RABGAP1L: variants seen among roughly 807,000 people sequenced by gnomAD.
RABGAP1L encodes the protein RAB GTPase activating protein 1 like, also known as rab GTPase-activating protein 1-like.
Under a neutral mutation model 137.7 loss-of-function variants are expected in RABGAP1L, and 63 were observed. The observed-to-expected ratio is 0.46, with a 90% CI of 0.37 to 0.56. The LOEUF (loss-of-function observed/expected upper bound fraction) is 0.56, where lower values mean the gene tolerates loss of function less well. Among genes scored for constraint, RABGAP1L ranks in the 20% least tolerant of loss-of-function variants. The probability of loss-of-function intolerance (pLI) is 0.00; values close to 1 mark genes in which losing one functional copy is unlikely to be tolerated. For synonymous variants in RABGAP1L, 431 were observed against 433.7 expected (o/e 0.99, Z 0.08); for missense variants, 1,095 against 1,244.0 (o/e 0.88, Z 1.80).
chr1:174,310,871 C>A (rs1437568044), intron 11 of RABGAP1L, among the ~76,000 whole-genome samples: 1 of 152,136 alleles, frequency 6.6e-6, no homozygotes, highest in Non-Finnish European at 1.5e-5. Context: ...CTCTCATACT[C>A]ATTCTCTCAT....
intron 13 of RABGAP1L, among the ~76,000 whole-genome samples, chr1:174,493,241 A>C (rs1042822002): frequency 6.7e-6 from 1 of 150,368 alleles, no homozygotes; most frequent in South Asian, 2.1e-4. Flanking sequence ...ACATGCCTGT[A>C]GTCCTAGCTA....
rs181627960 is a variant in RABGAP1L at position 174,435,031 on chromosome 1, A to G, written c.1710+40886A>G. On this transcript the variant is annotated intron_variant, in intron 13 of 25. Coordinates refer to ENST00000681986, the MANE Select transcript of RABGAP1L (RefSeq NM_001366446.1). Reference sequence around the variant, plus strand: ...CCAGTATCCTAATAAGTCTTTGTCTATTTTTTAAGAGACACAGTCTTGCTC... The same window carrying G: ...CCAGTATCCTAATAAGTCTTTGTCTGTTTTTTAAGAGACACAGTCTTGCTC... Among the ~76,000 whole-genome samples the G allele has an allele frequency of 3.3e-5, 5 of 152,094 alleles. No individual in the cohort carries two copies. In the East Asian group the frequency reaches 7.7e-4, roughly 23 times the overall value.
At chr1:174,979,677 G>A (rs945142540) in intron 23 of RABGAP1L, among the ~76,000 whole-genome samples, 2 of 152,220 alleles carry the variant, frequency 1.3e-5, no homozygotes, top group African/African-American at 2.4e-5. Flanking sequence ...CTAGCAGGAA[G>A]CTTTCTATTG....
At chr1:174,302,412 A>G (rs56149646) in intron 10 of RABGAP1L, among the ~76,000 whole-genome samples, 405 of 152,316 alleles carry the variant, frequency 2.7e-3, no homozygotes, top group Non-Finnish European at 4.4e-3. Context: ...GAAAAGAGAG[A>G]GGTCTCAAGA....
At chr1:174,218,345 T>G (rs1424402643) in intron 1 of RABGAP1L, among the ~76,000 whole-genome samples, 1 of 152,182 alleles carries the variant, frequency 6.6e-6, no homozygotes, top group Non-Finnish European at 1.5e-5. Context: ...CCTTATTCAC[T>G]TAGGTAACCT....
At chr1:174,483,901 C>T (rs78332745) in intron 13 of RABGAP1L, among the ~76,000 whole-genome samples, 3,424 of 151,902 alleles carry the variant, frequency 0.023, 67 homozygotes, top group Non-Finnish European at 0.035. Flanking sequence ...ATTCTGATGT[C>T]CTTTCTTTTG....
At chr1:174,256,274 G>A (rs1571803899) in intron 7 of RABGAP1L, among the ~76,000 whole-genome samples, 1 of 151,878 alleles carries the variant, frequency 6.6e-6, no homozygotes, top group Non-Finnish European at 1.5e-5. Flanking sequence ...TAATATTTGT[G>A]ACTAAATTCA....
intron 14 of RABGAP1L, among the ~76,000 whole-genome samples, chr1:174,639,313 T>C (rs1187220315): frequency 2.0e-5 from 3 of 152,138 alleles, no homozygotes; most frequent in African/African-American, 7.2e-5. Context: ...TATACTGATC[T>C]TTAGAAAGTG....
chr1:174,983,032 G>C (rs1671268428), intron 24 of RABGAP1L, 127 bp downstream of exon 24: 1 of 973,870 alleles, frequency 1.0e-6, no homozygotes, highest in Non-Finnish European at 1.6e-6. Flanking sequence ...ATGGAGACTA[G>C]GATACCTCTC....
Position 174,250,492 on chromosome 1 carries a change from C to G in RABGAP1L, c.735C>G (p.Tyr245Ter). 6.2e-7 allele frequency: 1 copy of G among 1,602,402 alleles called. No homozygotes were observed. Among genetic ancestry groups the G allele is most frequent in the Non-Finnish European group, 8.5e-7 (1 of 1,174,214 alleles). Reference sequence around the variant, plus strand: ...TCTTTTAGGTAAGCAGAATTTTGTACAGTTTCTGTACAGCATTCAAACGTT... The same window carrying G: ...TCTTTTAGGTAAGCAGAATTTTGTAGAGTTTCTGTACAGCATTCAAACGTT... ...EIKEAVSRIL[Y>*]SFCTAFKRSS... is the part of the protein sequence containing the mutation. Residue 245 changes from tyrosine (Y) to a stop codon, truncating the protein, a stop_gained, in exon 6 of 26, where the codon TAC becomes TAG. Coordinates refer to ENST00000681986, the MANE Select transcript of RABGAP1L (RefSeq NM_001366446.1). LOFTEE classifies it high-confidence loss of function.
chr1:174,453,994 G>C (rs2149264272), intron 13 of RABGAP1L, among the ~76,000 whole-genome samples: 1 of 152,258 alleles, frequency 6.6e-6, no homozygotes, highest in East Asian at 1.9e-4. Flanking sequence ...GCTGGGCGCG[G>C]TGGCTCACAC....
intron 13 of RABGAP1L, 54 bp from the exon 14 acceptor site, chr1:174,637,321 A>T (rs1674140044): frequency 7.9e-7 from 1 of 1,261,048 alleles, no homozygotes; most frequent in South Asian, 1.3e-5. Context: ...TATATATTAT[A>T]TTTCATAACT....
At chr1:174,622,891 T>C (rs939354277) in intron 13 of RABGAP1L, among the ~76,000 whole-genome samples, 1 of 152,244 alleles carries the variant, frequency 6.6e-6, no homozygotes, top group African/African-American at 2.4e-5. Flanking sequence ...TATGTAGTTA[T>C]TATTCAATTT....
At chr1:174,458,192 A>T (rs1656260459) in intron 13 of RABGAP1L, among the ~76,000 whole-genome samples, 1 of 152,260 alleles carries the variant, frequency 6.6e-6, no homozygotes, top group Admixed American at 6.5e-5. Flanking sequence ...TTACTGGACC[A>T]TAGCAGCACT....
chr1:174,979,718 C>T (rs979066386), intron 23 of RABGAP1L, among the ~76,000 whole-genome samples: 2 of 152,302 alleles, frequency 1.3e-5, no homozygotes, highest in South Asian at 2.1e-4. Flanking sequence ...ACAAAGGGCT[C>T]ATCTTCTTGA....
Position 174,812,030 on chromosome 1 carries a change from A to C in RABGAP1L, c.2340+70A>C, listed in dbSNP as rs73028377. The C allele has an allele frequency of 1.6e-4, 222 of 1,390,828 alleles. No homozygotes were observed. The African/African-American group carries it at 2.9e-3, about 18-fold the overall frequency. The allele number at this position is 1,390,828 out of a possible 1,614,324, so 86.2% of individuals were successfully genotyped here. A position where few individuals can be genotyped will look rare whatever the true frequency, so the allele number is the denominator to read the frequency against. On this transcript the variant is annotated intron_variant, in intron 19 of 25. Coordinates refer to ENST00000681986, the MANE Select transcript of RABGAP1L (RefSeq NM_001366446.1). ...AGAATAATATGACAAATTATGTAAA[A>C]ATTTTTTTATATGTTGCAAGGTTTG...
At chr1:174,436,476 T>A (rs554089940) in intron 13 of RABGAP1L, among the ~76,000 whole-genome samples, 1 of 152,252 alleles carries the variant, frequency 6.6e-6, no homozygotes, top group Non-Finnish European at 1.5e-5. Context: ...TCTGTTCATA[T>A]CCTTCACCCA....
At chr1:174,969,450 C>T in intron 21 of RABGAP1L, 63 bp downstream of exon 21, 2 of 1,237,024 alleles carry the variant, frequency 1.6e-6, no homozygotes, top group Non-Finnish European at 2.3e-6. Context: ...GCCCTCATCA[C>T]CGCCCCCACA....
At chr1:174,800,265 C>T (rs954894919) in intron 18 of RABGAP1L, 1 of 1,475,688 alleles carries the variant, frequency 6.8e-7, no homozygotes, top group African/African-American at 1.4e-5. Context: ...GGCTCCCCTC[C>T]CACCGCAGTT....
Sources: allele counts gnomAD v4.1 joint callset (sites outside exome capture counted in the v4.1 genomes callset), GRCh38; gene constraint gnomAD v4.1.1; transcripts MANE v1.5; gene names NCBI Gene and HGNC (gene_info 2026-07-23, HGNC 2026-07-21).